EIF5B: variants seen among roughly 807,000 people sequenced by gnomAD.
EIF5B encodes eukaryotic translation initiation factor 5B.
EIF5B carries 47 observed loss-of-function variants against 147.5 expected under a neutral mutation model. The ratio of observed to expected loss-of-function variants is 0.32; its 90% CI spans 0.25 to 0.41. The LOEUF (loss-of-function observed/expected upper bound fraction) is 0.41. EIF5B is among the 10% of genes least tolerant of loss of function. The pLI is 1.00. For missense variants in EIF5B, 1,064 were observed against 1,413.2 expected, an observed-to-expected ratio of 0.75 and a Z score of 3.96; for synonymous variants, 455 against 456.2, an observed-to-expected ratio of 1.00 and a Z score of 0.03.
rs1320272466 is a variant in EIF5B at position 99,398,814 on chromosome 2, G to A, written c.3460G>A (p.Gly1154Arg). The A allele has an allele frequency of 6.2e-7, 1 of 1,614,052 alleles. No homozygotes were observed. ...TAAACAAGTGGATGTTGCAAAAAAAGGACAAGAAGTTTGTGTAAAAATAGA... is the reference window on the plus strand; with the variant it reads ...TAAACAAGTGGATGTTGCAAAAAAAAGACAAGAAGTTTGTGTAAAAATAGA... ...NHKQVDVAKK[G>R]QEVCVKIEPI... is the part of the protein sequence containing the mutation. The change falls in exon 23 of 24, where the codon GGA becomes AGA. Residue 1154 changes from glycine to arginine, a missense_variant. By Grantham distance (125) the Gly-to-Arg change is moderately radical (BLOSUM62 -2). Transcript: ENST00000289371.
At chr2:99,386,398 C>A (rs990548078) in intron 14 of EIF5B, among the ~76,000 whole-genome samples, 5 of 151,870 alleles carry the variant, frequency 3.3e-5, no homozygotes, top group Non-Finnish European at 7.4e-5. Flanking sequence ...ATTCCTTTTT[C>A]ACTTGTATGT....
chr2:99,389,287 T>A (rs1398609384), intron 14 of EIF5B, among the ~76,000 whole-genome samples: 1 of 152,192 alleles, frequency 6.6e-6, no homozygotes, highest in Non-Finnish European at 1.5e-5. Context: ...TAATCCTAAT[T>A]TGAGCAATAA....
At position 99,371,373 on chromosome 2, in the gene EIF5B, A is replaced by G. The variant is rs183980306; in HGVS notation, c.1478-283A>G. 5.9e-3 allele frequency among the ~76,000 whole-genome samples: 893 copies of G among 152,108 alleles called. 2 individuals are homozygous for G. The highest frequency in any genetic ancestry group is 9.6e-3 in the Non-Finnish European group (651 of 68,002). ...CACGGTGGCGGGCATCTGTAGTCCC[A>G]GCTACTTGGGAGGCTGAGGCAGGAG... On this transcript the variant is annotated intron_variant, in intron 8 of 23. Coordinates refer to ENST00000289371, the MANE Select transcript of EIF5B (RefSeq NM_015904.4).
Position 99,386,713 on chromosome 2 carries a change from G to T in EIF5B, c.2272-3005G>T, listed in dbSNP as rs182650263. ...CGGTTAGGGTTGTTTTTTTCTGGGG[G>T]GCGGGGGGGCGGTGTGTGTGTGTGT... On this transcript the variant is annotated intron_variant, in intron 14 of 23. Transcript: ENST00000289371. 3.9e-3 allele frequency among the ~76,000 whole-genome samples: 594 copies of T among 150,982 alleles called. 5 individuals carry two copies. The highest frequency in any genetic ancestry group is 0.014 in the African/African-American group (567 of 41,138).
intron 1 of EIF5B, chr2:99,340,534 T>C (rs1427983311): frequency 1.3e-5 from 2 of 152,242 alleles, no homozygotes; most frequent in Non-Finnish European, 2.9e-5. Context: ...GGAGCCACTT[T>C]TCAGTTCTTG....
intron 1 of EIF5B, among the ~76,000 whole-genome samples, chr2:99,339,086 C>G (rs2094252805): frequency 1.3e-5 from 2 of 149,352 alleles, no homozygotes. Flanking sequence ...GCGATCTCGG[C>G]TCACTGCAAC....
chr2:99,339,735 A>G (rs2094255521), intron 1 of EIF5B, among the ~76,000 whole-genome samples: 1 of 152,082 alleles, frequency 6.6e-6, no homozygotes, highest in South Asian at 2.1e-4. Flanking sequence ...CCATTGGGAG[A>G]CAAGATGTTT....
Position 99,337,474 on chromosome 2 carries a change from G to C in EIF5B, c.-81G>C. ...AGCACGAGGGGAAAAGAGCTGAGCG[G>C]AGACCAAAGTCAGCCGGGAGACAGT... On this transcript the variant is annotated 5_prime_UTR_variant, in exon 1 of 24. Coordinates refer to ENST00000289371, the MANE Select transcript of EIF5B (RefSeq NM_015904.4). The C allele has an allele frequency of 6.4e-7, 1 of 1,555,370 alleles. No homozygotes were observed. Among genetic ancestry groups the C allele is most frequent in the Non-Finnish European group, 8.7e-7 (1 of 1,144,772 alleles).
At chr2:99,371,352 G>C (rs2104202110) in intron 8 of EIF5B, among the ~76,000 whole-genome samples, 1 of 152,116 alleles carries the variant, frequency 6.6e-6, no homozygotes, top group African/African-American at 2.4e-5. Flanking sequence ...GCTGGCCACG[G>C]TGGCGGGCAT....
chr2:99,372,426 C>T (rs1248247796), intron 9 of EIF5B, among the ~76,000 whole-genome samples: 15 of 152,182 alleles, frequency 9.9e-5, no homozygotes, highest in Non-Finnish European at 5.9e-5. Flanking sequence ...ACAACCTCCA[C>T]CTCCCGGGTT....
intron 22 of EIF5B, chr2:99,398,300 A>T (rs1675106520): frequency 6.5e-6 from 1 of 153,036 alleles, no homozygotes; most frequent in African/African-American, 2.4e-5. Flanking sequence ...TTTTTGCCCC[A>T]AACTCTGAGA....
At chr2:99,364,064 T>C (rs1674276190) in intron 5 of EIF5B, among the ~76,000 whole-genome samples, 1 of 152,218 alleles carries the variant, frequency 6.6e-6, no homozygotes, top group Non-Finnish European at 1.5e-5. Flanking sequence ...GCTCGATACA[T>C]AAGTTGCTTA....
intron 6 of EIF5B, 67 bp from the exon 7 acceptor site, chr2:99,368,421 ATCCTT>A: frequency 1.8e-6 from 2 of 1,093,298 alleles, no homozygotes; most frequent in Non-Finnish European, 2.8e-6. Context: ...ATGAAATGCT[ATCCTT>A]TAAATAGTAC....
chr2:99,345,247 G>A (rs555196567), intron 1 of EIF5B, among the ~76,000 whole-genome samples: 7 of 152,142 alleles, frequency 4.6e-5, no homozygotes, highest in Non-Finnish European at 1.0e-4. Context: ...AGTCGTGATT[G>A]CCACTCCAGA....
At chr2:99,387,058 T>C (rs914014759) in intron 14 of EIF5B, among the ~76,000 whole-genome samples, 1 of 152,068 alleles carries the variant, frequency 6.6e-6, no homozygotes, top group Non-Finnish European at 1.5e-5. Context: ...TACAGGTACA[T>C]GCCACCACAC....
chr2:99,337,391 A>C lies in EIF5B; in HGVS notation c.-164A>C, dbSNP rs931940015. The C allele has an allele frequency of 2.4e-6, 2 of 850,948 alleles. No individual in the cohort carries two copies. Among genetic ancestry groups the C allele is most frequent in the African/African-American group, 3.5e-5 (2 of 57,830 alleles). 52.7% of individuals were successfully genotyped at this position (850,948 alleles called of 1,614,324 possible). ...ATGCGCTTGCGCACTGAGAACTCAC[A>C]CCATATGTGTCCTGTTCCAGTGCGC... On this transcript the variant is annotated 5_prime_UTR_variant, in exon 1 of 24. Coordinates refer to ENST00000289371, the MANE Select transcript of EIF5B (RefSeq NM_015904.4).
At chr2:99,354,533 T>C (rs1045288061) in intron 1 of EIF5B, among the ~76,000 whole-genome samples, 7 of 152,226 alleles carry the variant, frequency 4.6e-5, no homozygotes, top group African/African-American at 1.4e-4. Context: ...TGAGTTCCAC[T>C]TCTTTTGGAT....
intron 1 of EIF5B, among the ~76,000 whole-genome samples, chr2:99,338,937 T>TATAC (rs1491555384): frequency 1.5e-5 from 2 of 134,692 alleles, no homozygotes; most frequent in Non-Finnish European, 3.2e-5. Flanking sequence ...TATATATATA[T>TATAC]ACAAATATAT....
chr2:99,379,582 C>G (rs1674647023), intron 12 of EIF5B, among the ~76,000 whole-genome samples, 154 bp downstream of exon 12: 1 of 152,192 alleles, frequency 6.6e-6, no homozygotes, highest in South Asian at 2.1e-4. Flanking sequence ...TGCTTTAGAT[C>G]ATTCTTTTTA....
Sources: allele counts gnomAD v4.1 joint callset (sites outside exome capture counted in the v4.1 genomes callset), GRCh38; gene constraint gnomAD v4.1.1; transcripts MANE v1.5; gene names NCBI Gene and HGNC (gene_info 2026-07-23, HGNC 2026-07-21).